GPD2: variants seen among roughly 807,000 people sequenced by gnomAD.
The protein encoded by GPD2 is glycerol-3-phosphate dehydrogenase 2, also known as glycerol-3-phosphate dehydrogenase, mitochondrial.
GPD2 carries 54 observed loss-of-function variants against 82.4 expected under a neutral mutation model. That is an observed-to-expected ratio of 0.66 (90% CI 0.53 to 0.82). The LOEUF is 0.82. Ranked by LOEUF, GPD2 falls within the 40% of genes least tolerant of loss-of-function variation. The pLI, the probability that GPD2 is intolerant of heterozygous loss-of-function variation, is 0.00. For synonymous variants in GPD2, 288 were observed against 306.1 expected, an observed-to-expected ratio of 0.94 and a Z score of 0.62; for missense variants, 748 against 896.2, an observed-to-expected ratio of 0.83 and a Z score of 2.11.
chr2:156,540,071 A>C (rs939978940), intron 6 of GPD2, among the ~76,000 whole-genome samples: 15 of 152,208 alleles, frequency 9.9e-5, no homozygotes, highest in African/African-American at 3.6e-4. Context: ...CTGATAGGAC[A>C]TTGAGCAGCA....
At chr2:156,484,006 T>C (rs1055841821) in intron 2 of GPD2, among the ~76,000 whole-genome samples, 3 of 151,308 alleles carry the variant, frequency 2.0e-5, no homozygotes, top group Non-Finnish European at 4.4e-5. Context: ...TTTTTTTTTT[T>C]TTTTTACCAG....
At position 156,550,659 on chromosome 2, in the gene GPD2, ACT is replaced by A; in HGVS notation, c.887_888del (p.Ser296CysfsTer6). The A allele has an allele frequency of 6.2e-7, 1 of 1,613,864 alleles. No homozygotes were observed. Among genetic ancestry groups the A allele is most frequent in the Non-Finnish European group, 8.5e-7 (1 of 1,179,798 alleles). On this transcript the variant is annotated frameshift_variant, in exon 8 of 17. Transcript: ENST00000438166. LOFTEE classifies it high-confidence loss of function. ...ATCAATGCCACGGGACCTTTCACGG[ACT>A]CTGTGCGCAAAATGGATGATAAAGA...
chr2:156,415,104 C>T, the GPD2 span, among the ~76,000 whole-genome samples: 7 of 151,554 alleles, frequency 4.6e-5, no homozygotes, highest in Admixed American at 1.3e-4. Context: ...TCTTTTATCC[C>T]TCACTCCCTC....
At chr2:156,459,779 A>T (rs551009571) in intron 1 of GPD2, among the ~76,000 whole-genome samples, 49 of 150,464 alleles carry the variant, frequency 3.3e-4, no homozygotes, top group African/African-American at 1.1e-3. Flanking sequence ...GGGAAGTCTG[A>T]TGGCTTTGTT....
chr2:156,500,551 C>A (rs1192995864), intron 3 of GPD2, among the ~76,000 whole-genome samples: 1 of 152,102 alleles, frequency 6.6e-6, no homozygotes, highest in Non-Finnish European at 1.5e-5. Context: ...AATCTTTAGT[C>A]ACATTTGACA....
chr2:156,529,197 A>G (rs1171337179), intron 6 of GPD2, among the ~76,000 whole-genome samples: 1 of 84,094 alleles, frequency 1.2e-5, no homozygotes, highest in Non-Finnish European at 2.9e-5. Flanking sequence ...AGTGATGGTG[A>G]GCATTTTTTC....
At chr2:156,496,894 C>T (rs938646795) in intron 3 of GPD2, among the ~76,000 whole-genome samples, 1 of 151,726 alleles carries the variant, frequency 6.6e-6, no homozygotes, top group African/African-American at 2.4e-5. Flanking sequence ...CTGCAGTTTG[C>T]GAAACTTTAG....
intron 9 of GPD2, among the ~76,000 whole-genome samples, chr2:156,563,610 A>ATG (rs1687254269): frequency 1.3e-5 from 2 of 152,196 alleles, no homozygotes; most frequent in South Asian, 4.1e-4. Flanking sequence ...AAAGCTTGAA[A>ATG]TGGTACATAT....
At chr2:156,571,408 T>C (rs1473642757) in intron 13 of GPD2, 116 bp downstream of exon 13, 4 of 592,592 alleles carry the variant, frequency 6.8e-6, no homozygotes, top group Non-Finnish European at 1.1e-5. Flanking sequence ...TACCAGTTTT[T>C]CTTTGTGTGT....
intron 3 of GPD2, among the ~76,000 whole-genome samples, chr2:156,509,503 C>T (rs1684907257): frequency 6.6e-6 from 1 of 152,056 alleles, no homozygotes. Context: ...CAAGAGTGTT[C>T]CAGGCCATGA....
chr2:156,544,936 A>G (rs1686473155), intron 6 of GPD2, among the ~76,000 whole-genome samples: 1 of 152,176 alleles, frequency 6.6e-6, no homozygotes, highest in East Asian at 1.9e-4. Flanking sequence ...TCACACAAAC[A>G]ATCACTTTTG....
intron 1 of GPD2, among the ~76,000 whole-genome samples, chr2:156,456,669 G>T (rs868107582): frequency 6.6e-6 from 1 of 152,048 alleles, no homozygotes; most frequent in African/African-American, 2.4e-5. Context: ...TTAAGATAAT[G>T]CAAATCAGAT....
At chr2:156,454,241 G>C (rs1338346400) in intron 1 of GPD2, among the ~76,000 whole-genome samples, 3 of 152,162 alleles carry the variant, frequency 2.0e-5, no homozygotes, top group Non-Finnish European at 4.4e-5. Context: ...CTTTTGTGAA[G>C]CTAGATGTTA....
intron 8 of GPD2, among the ~76,000 whole-genome samples, chr2:156,553,512 G>A (rs1397989546): frequency 6.6e-6 from 1 of 151,952 alleles, no homozygotes; most frequent in Non-Finnish European, 1.5e-5. Context: ...AATAAATAAT[G>A]TAAGTACATA....
At chr2:156,475,523 CACGCCCAGCCGACTCTTTCAAT>C (rs1683479009) in intron 1 of GPD2, among the ~76,000 whole-genome samples, 1 of 152,102 alleles carries the variant, frequency 6.6e-6, no homozygotes, top group Non-Finnish European at 1.5e-5. Context: ...TGTGAGCCAC[CACGCCCAGCCGACTCTTTCAAT>C]AATAGAAATA....
chr2:156,477,712 G>A (rs185208571), intron 2 of GPD2, among the ~76,000 whole-genome samples: 3 of 152,228 alleles, frequency 2.0e-5, no homozygotes, highest in African/African-American at 7.2e-5. Flanking sequence ...GTGGAGTTTT[G>A]ATACGTACAA....
At chr2:156,579,459 G>A (rs945036365) in intron 15 of GPD2, among the ~76,000 whole-genome samples, 7 of 151,444 alleles carry the variant, frequency 4.6e-5, no homozygotes, top group Non-Finnish European at 7.4e-5. Context: ...CTCCAGAGTA[G>A]CTGGGACTAC....
chr2:156,528,077 A>T (rs560530968), intron 6 of GPD2, among the ~76,000 whole-genome samples: 1 of 152,298 alleles, frequency 6.6e-6, no homozygotes, highest in African/African-American at 2.4e-5. Context: ...CAGGATTTAC[A>T]AATTGGATAA....
At chr2:156,492,456 T>C (rs1231844247) in intron 2 of GPD2, among the ~76,000 whole-genome samples, 1 of 151,576 alleles carries the variant, frequency 6.6e-6, no homozygotes, top group Non-Finnish European at 1.5e-5. Context: ...TTTTTTTTTT[T>C]TTTCTTTTTT....
Sources: allele counts gnomAD v4.1 joint callset (sites outside exome capture counted in the v4.1 genomes callset), GRCh38; gene constraint gnomAD v4.1.1; transcripts MANE v1.5; gene names NCBI Gene and HGNC (gene_info 2026-07-23, HGNC 2026-07-21).